CPLANE1: variants seen among roughly 807,000 people sequenced by gnomAD.
The protein encoded by CPLANE1 is ciliogenesis and planar polarity effector 1.
Under a neutral mutation model 362.5 loss-of-function variants are expected in CPLANE1, and 263 were observed. That is an observed-to-expected ratio of 0.73 (90% CI 0.66 to 0.80). CPLANE1 has a LOEUF of 0.80. CPLANE1 is among the 30% of genes least tolerant of loss of function. The pLI is 0.00. For missense variants in CPLANE1, 3,461 were observed against 3,793.4 expected, an observed-to-expected ratio of 0.91 and a Z score of 2.30; for synonymous variants, 1,212 against 1,302.6, an observed-to-expected ratio of 0.93 and a Z score of 1.50.
At chr5:37,124,735 TG>T (rs1763685285) in intron 47 of CPLANE1, 1 of 247,924 alleles carries the variant, frequency 4.0e-6, no homozygotes, top group African/African-American at 2.3e-5. Flanking sequence ...TTTTTTCTTT[TG>T]TAGAGATGAG....
At chr5:37,123,345 CCTGTGG>C (rs1419037976) in intron 47 of CPLANE1, among the ~76,000 whole-genome samples, 2 of 151,932 alleles carry the variant, frequency 1.3e-5, no homozygotes, top group Admixed American at 1.3e-4. Flanking sequence ...TTTTCAAGGT[CCTGTGG>C]AGAAGTTGTC....
rs1796778319 is a variant in CPLANE1 at position 37,227,815 on chromosome 5, G to A, written c.1124C>T (p.Pro375Leu). The stretch of plus-strand genomic sequence containing the variant: ...TGAATCTTGAAACGTAAACTGCTGT[G>A]GTCTAGTAAACAAACATCAAAATAC... The part of the protein sequence containing the change: ...IPLHPLITYR[P>L]QQFTFQDSNN... Residue 375 changes from proline (P) to leucine (L), a missense_variant and splice_region_variant, in exon 10 of 53, where the codon CCA becomes CTA. Transcript: ENST00000651892. 1 of 1,547,710 alleles carries A rather than the reference G, an allele frequency of 6.5e-7. No homozygotes were observed. Among genetic ancestry groups the A allele is most frequent in the South Asian group, 1.2e-5 (1 of 83,670 alleles).
intron 41 of CPLANE1, among the ~76,000 whole-genome samples, chr5:37,156,025 C>G (rs532793571): frequency 1.5e-3 from 222 of 152,352 alleles, no homozygotes; most frequent in Admixed American, 3.2e-3. Context: ...ATCTGAAATG[C>G]TGGCACTTGT....
At chr5:37,225,193 C>T (rs564451132) in intron 12 of CPLANE1, among the ~76,000 whole-genome samples, 29 of 152,074 alleles carry the variant, frequency 1.9e-4, no homozygotes, top group African/African-American at 7.0e-4. Flanking sequence ...TCTCAGCCTC[C>T]CGGGCTCAAG....
At chr5:37,150,007 G>A (rs980974391) in intron 42 of CPLANE1, among the ~76,000 whole-genome samples, 7 of 152,100 alleles carry the variant, frequency 4.6e-5, no homozygotes, top group African/African-American at 1.4e-4. Flanking sequence ...CCCTACCTTC[G>A]AGTCTTAAAA....
chr5:37,177,636 G>C lies in CPLANE1; in HGVS notation c.5885C>G (p.Ser1962Trp), dbSNP rs768454790. 6.2e-7 allele frequency: 1 copy of C among 1,613,108 alleles called. No individual in the cohort carries two copies. The highest frequency in any genetic ancestry group is 1.1e-5 in the South Asian group (1 of 91,002). ...TCCCCCTTACCCTTTTTGTTCAGTC[G>C]ATTTTTCCTCCATAATTGTCTCCAG... ...EPLETIMEEK[S>W]TEQKGMIEAF... Residue 1962 changes from serine to tryptophan, a missense_variant, in exon 30 of 53, where the codon TCG becomes TGG. By Grantham distance (177) the Ser-to-Trp change is radical (BLOSUM62 -3). This residue lies in a region of CPLANE1 where 3,380 missense variants were observed against 3,666.1 expected (regional missense o/e 0.92). Transcript: ENST00000651892.
rs1431662248 is a variant in CPLANE1, at chr5:37,234,808, C to T, written c.939-3759G>A. Among the ~76,000 whole-genome samples the T allele has an allele frequency of 3.9e-5, 6 of 152,118 alleles. No individual in the cohort carries two copies. In the East Asian group the frequency reaches 9.6e-4, roughly 24 times the overall value. Reference sequence around the variant, plus strand: ...TTAAAATTAGCAAAAGAAAAGAGTCCAGTCACCTATAAAAGAAACTCATCA... The same window carrying T: ...TTAAAATTAGCAAAAGAAAAGAGTCTAGTCACCTATAAAAGAAACTCATCA... On this transcript the variant is annotated intron_variant, in intron 8 of 52. Transcript: ENST00000651892.
chr5:37,223,326 T>C (rs903593833), intron 14 of CPLANE1, among the ~76,000 whole-genome samples: 1 of 150,414 alleles, frequency 6.6e-6, no homozygotes, highest in African/African-American at 2.5e-5. Flanking sequence ...CTGATTGTAT[T>C]GAGGTGTTCT....
rs1184582202 is a variant in CPLANE1, at chr5:37,245,548, T to C, written c.268A>G (p.Lys90Glu). Residue 90 changes from lysine to glutamate, a missense_variant, in exon 4 of 53, where the codon AAA (lysine) becomes GAA (glutamate). This residue lies in a region of CPLANE1 where 3,380 missense variants were observed against 3,666.1 expected (regional missense o/e 0.92). Transcript: ENST00000651892. ...ATAGTTTTCAAACAATCTTGATCTT[T>C]GTTCCAAAGGAAAAGCTCTCCTGTA... ...LTTGELFLWN[K>E]DQDCLKTIPI... 1 of 1,515,540 alleles carries C rather than the reference T, an allele frequency of 6.6e-7. No individual in the cohort carries two copies. The highest frequency in any genetic ancestry group is 8.9e-7 in the Non-Finnish European group (1 of 1,129,190). 93.9% of individuals were successfully genotyped at this position (1,515,540 alleles called of 1,614,324 possible). A position where few individuals can be genotyped will look rare whatever the true frequency, so the allele number is the denominator to read the frequency against.
At position 37,108,345 on chromosome 5, in the gene CPLANE1, A is replaced by G; in HGVS notation, c.9527T>C (p.Ile3176Thr). 1.2e-6 allele frequency: 2 copies of G among 1,614,192 alleles called. No individual in the cohort carries two copies. The highest frequency in any genetic ancestry group is 8.5e-7 in the Non-Finnish European group (1 of 1,180,012). The change falls in exon 52 of 53, where the codon ATA becomes ACA. Residue 3176 changes from isoleucine (I) to threonine (T), a missense_variant. By Grantham distance (89) the Ile-to-Thr change is moderately conservative (BLOSUM62 -1). Coordinates refer to ENST00000651892, the MANE Select transcript of CPLANE1 (RefSeq NM_001384732.1). ...REETVVSPWT[I>T]PSEIHKILHE... Reference sequence around the variant, plus strand: ...AAGAATCTTATGGATTTCTGAAGGTATCGTCCAGGGACTCACCACAGTCTC... The same window carrying G: ...AAGAATCTTATGGATTTCTGAAGGTGTCGTCCAGGGACTCACCACAGTCTC...
At chr5:37,222,302 A>G (rs1310936567) in intron 14 of CPLANE1, among the ~76,000 whole-genome samples, 2 of 152,214 alleles carry the variant, frequency 1.3e-5, no homozygotes, top group Non-Finnish European at 2.9e-5. Context: ...AGGAAATGCA[A>G]CCTTTCTAGC....
At chr5:37,122,551 T>C (rs1044742341) in intron 47 of CPLANE1, 63 bp from the exon 48 acceptor site, 1 of 1,259,458 alleles carries the variant, frequency 7.9e-7, no homozygotes, top group East Asian at 2.4e-5. Flanking sequence ...CCATTACACA[T>C]AATTCTGTTA....
rs368956437 is a variant in CPLANE1 at position 37,221,499 on chromosome 5, A to T, written c.2582-11T>A. ...ACGTCCTTCTTCCTCCTGAAACAAG[A>T]AGTAAGCTCACCTTAAAAGTATGTA... On this transcript the variant is annotated splice_polypyrimidine_tract_variant and intron_variant, in intron 14 of 52. Transcript: ENST00000651892. 2.0e-6 allele frequency: 3 copies of T among 1,480,898 alleles called. No homozygotes were observed. Among genetic ancestry groups the T allele is most frequent in the South Asian group, 2.8e-5 (2 of 71,250 alleles). 91.7% of individuals were successfully genotyped at this position (1,480,898 alleles called of 1,614,324 possible).
intron 46 of CPLANE1, among the ~76,000 whole-genome samples, chr5:37,132,707 G>A (rs1412142131): frequency 6.6e-6 from 1 of 152,102 alleles, no homozygotes; most frequent in Non-Finnish European, 1.5e-5. Flanking sequence ...CAAAGGTTGT[G>A]AATATTTTCT....
At chr5:37,144,951 T>C (rs543725898) in intron 43 of CPLANE1, among the ~76,000 whole-genome samples, 2 of 150,536 alleles carry the variant, frequency 1.3e-5, no homozygotes, top group South Asian at 4.2e-4. Context: ...ACTTAAAAAA[T>C]AAAAGGCAAG....
chr5:37,201,639 A>G lies in CPLANE1; in HGVS notation c.3459T>C (p.Tyr1153=). 6 of 1,614,200 alleles carry G rather than the reference A, an allele frequency of 3.7e-6. No homozygotes were observed. Among genetic ancestry groups the G allele is most frequent in the Non-Finnish European group, 4.2e-6 (5 of 1,180,016 alleles). ...RLWGLVPFGL[Y]LPAPPLYCPQ... is the part of the protein sequence containing the mutation. The stretch of plus-strand genomic sequence containing the variant: ...GACAGTACAATGGAGGAGCTGGAAG[A>G]TACAAGCCGAATGGCACTAAGCCCC... The change falls in exon 19 of 53, where the codon TAT becomes TAC. Residue 1153 remains tyrosine, a synonymous_variant. Transcript: ENST00000651892.
At chr5:37,156,970 T>C (rs1174542234) in intron 41 of CPLANE1, among the ~76,000 whole-genome samples, 1 of 152,258 alleles carries the variant, frequency 6.6e-6, no homozygotes, top group African/African-American at 2.4e-5. Context: ...TTGGCTACCA[T>C]GCCTGTTTAT....
chr5:37,148,372 G>GA, intron 42 of CPLANE1, 104 bp from the exon 43 acceptor site: 5 of 712,854 alleles, frequency 7.0e-6, no homozygotes, highest in Middle Eastern at 2.6e-4. Flanking sequence ...ATGCAAAAGT[G>GA]AAAAAAATGG....
At chr5:37,129,018 C>A (rs575609049) in intron 46 of CPLANE1, among the ~76,000 whole-genome samples, 1 of 152,170 alleles carries the variant, frequency 6.6e-6, no homozygotes, top group South Asian at 2.1e-4. Flanking sequence ...ACTATAAGGC[C>A]ATAGTCACCA....
Sources: allele counts gnomAD v4.1 joint callset (sites outside exome capture counted in the v4.1 genomes callset), GRCh38; gene constraint gnomAD v4.1.1; regional missense constraint gnomAD v4.1.1; transcripts MANE v1.5; gene names NCBI Gene and HGNC (gene_info 2026-07-23, HGNC 2026-07-21).